Variants in PDE7A observed in about 807,000 individuals in gnomAD.
PDE7A encodes phosphodiesterase 7A.
PDE7A carries 39 observed loss-of-function variants against 64.3 expected under a neutral mutation model. The observed-to-expected ratio is 0.61, with a 90% CI of 0.47 to 0.79. PDE7A has a LOEUF of 0.79. Among genes scored for constraint, PDE7A ranks in the 30% least tolerant of loss-of-function variants. The probability of loss-of-function intolerance (pLI) is 0.00; values close to 1 mark genes in which losing one functional copy is unlikely to be tolerated. For synonymous variants in PDE7A, 203 were observed against 206.8 expected (o/e 0.98, Z 0.16); for missense variants, 470 against 582.8 (o/e 0.81, Z 1.99).
chr8:65,761,170 A>G (rs2128914370), intron 3 of PDE7A, among the ~76,000 whole-genome samples: 1 of 151,980 alleles, frequency 6.6e-6, no homozygotes, highest in South Asian at 2.1e-4. Flanking sequence ...GATTCAAGCA[A>G]TTCTCCTGCC....
intron 6 of PDE7A, 31 bp from the exon 7 acceptor site, chr8:65,734,925 T>G (rs1288342584): frequency 3.0e-6 from 4 of 1,346,480 alleles, no homozygotes; most frequent in Non-Finnish European, 4.3e-6. Context: ...CCGATTTTAT[T>G]GTATATGAGC....
At chr8:65,764,414 G>A (rs1019136329) in intron 3 of PDE7A, among the ~76,000 whole-genome samples, 1 of 152,238 alleles carries the variant, frequency 6.6e-6, no homozygotes, top group African/African-American at 2.4e-5. Flanking sequence ...ATGATGGATA[G>A]CTGCTTTCGC....
At chr8:65,749,746 T>C (rs1189441898) in intron 3 of PDE7A, among the ~76,000 whole-genome samples, 1 of 152,218 alleles carries the variant, frequency 6.6e-6, no homozygotes, top group Non-Finnish European at 1.5e-5. Flanking sequence ...ATACCCAATA[T>C]AGGGTGACAC....
intron 1 of PDE7A, among the ~76,000 whole-genome samples, chr8:65,828,924 T>C (rs1199372363): frequency 6.6e-6 from 1 of 152,146 alleles, no homozygotes; most frequent in African/African-American, 2.4e-5. Context: ...AGTAGTCTTA[T>C]ATTCGAGTAT....
chr8:65,721,355 T>C (rs1300541014), intron 12 of PDE7A, among the ~76,000 whole-genome samples: 1 of 152,176 alleles, frequency 6.6e-6, no homozygotes, highest in Non-Finnish European at 1.5e-5. Flanking sequence ...GCCCCTATGT[T>C]GGGGAGTAGT....
At chr8:65,772,773 G>A (rs1311270356) in intron 3 of PDE7A, among the ~76,000 whole-genome samples, 2 of 152,166 alleles carry the variant, frequency 1.3e-5, no homozygotes, top group Non-Finnish European at 2.9e-5. Flanking sequence ...GGAGGCCAAG[G>A]CAGGCAGATC....
intron 1 of PDE7A, among the ~76,000 whole-genome samples, chr8:65,792,670 A>G (rs79069632): frequency 0.057 from 8,699 of 152,304 alleles, 357 homozygotes; most frequent in Middle Eastern, 0.11. Context: ...AAATGTGAAC[A>G]CTATAGTAAA....
At chr8:65,725,155 T>C (rs1806561122) in intron 9 of PDE7A, among the ~76,000 whole-genome samples, 1 of 152,094 alleles carries the variant, frequency 6.6e-6, no homozygotes, top group African/African-American at 2.4e-5. Flanking sequence ...TATGCAAACA[T>C]TCCAAAAGGA....
chr8:65,745,281 T>C (rs774674474), intron 5 of PDE7A, 126 bp downstream of exon 5: 132 of 688,236 alleles, frequency 1.9e-4, no homozygotes, highest in Non-Finnish European at 3.2e-4. Context: ...AATGGACTAA[T>C]ACACTCTCTT....
At chr8:65,722,029 G>C (rs957387332) in intron 12 of PDE7A, 1 of 152,106 alleles carries the variant, frequency 6.6e-6, no homozygotes, top group Admixed American at 6.6e-5. Context: ...GACCTCAAGC[G>C]ATCAGCCCGC....
chr8:65,770,974 T>C (rs1809057818), intron 3 of PDE7A: 1 of 299,192 alleles, frequency 3.3e-6, no homozygotes, highest in African/African-American at 2.3e-5. Context: ...CAGAACCTGC[T>C]GGACAAGAAG....
chr8:65,777,553 C>A (rs1809295755), intron 3 of PDE7A, among the ~76,000 whole-genome samples: 1 of 152,006 alleles, frequency 6.6e-6, no homozygotes, highest in African/African-American at 2.4e-5. Context: ...AGCGATTTGG[C>A]TGTTATTTTT....
chr8:65,819,739 C>A (rs549831857), intron 1 of PDE7A, among the ~76,000 whole-genome samples: 2 of 152,200 alleles, frequency 1.3e-5, no homozygotes, highest in Non-Finnish European at 2.9e-5. Flanking sequence ...TTGTGGCACA[C>A]TACTAGTTGT....
chr8:65,796,624 T>C (rs563291139), intron 1 of PDE7A, among the ~76,000 whole-genome samples: 1 of 152,028 alleles, frequency 6.6e-6, no homozygotes, highest in South Asian at 2.1e-4. Flanking sequence ...GTAAGAAAAA[T>C]GCATTTGACA....
At chr8:65,756,882 T>C (rs571756967) in intron 3 of PDE7A, among the ~76,000 whole-genome samples, 1 of 152,272 alleles carries the variant, frequency 6.6e-6, no homozygotes, top group East Asian at 1.9e-4. Context: ...ATTATTTTAC[T>C]CCTCCAGGAT....
chr8:65,817,752 GTTT>G (rs145545830), intron 1 of PDE7A, among the ~76,000 whole-genome samples: 8 of 110,010 alleles, frequency 7.3e-5, no homozygotes, highest in Admixed American at 4.6e-4. Flanking sequence ...ATCAAGGAGT[GTTT>G]TTTTTTTTTT....
chr8:65,760,133 G>A (rs575816895), intron 3 of PDE7A, among the ~76,000 whole-genome samples: 7 of 152,088 alleles, frequency 4.6e-5, no homozygotes, highest in African/African-American at 1.7e-4. Flanking sequence ...CCAGCTACTT[G>A]AGAGGCTGAA....
Position 65,724,235 on chromosome 8 carries a change from C to A in PDE7A, c.1162+20G>T. Reference sequence around the variant, plus strand: ...AAAATGAACTGGATAGATTAATTATCACTCAATACTGTAACTTGCCTTGAT... The same window carrying A: ...AAAATGAACTGGATAGATTAATTATAACTCAATACTGTAACTTGCCTTGAT... On this transcript the variant is annotated intron_variant, in intron 11 of 12. Coordinates refer to ENST00000401827, the MANE Select transcript of PDE7A (RefSeq NM_001242318.3). 6.8e-7 allele frequency: 1 copy of A among 1,468,804 alleles called. No individual in the cohort carries two copies. The highest frequency in any genetic ancestry group is 1.1e-5 in the South Asian group (1 of 87,712). The allele number at this position is 1,468,804 out of a possible 1,614,324, so 91.0% of individuals were successfully genotyped here.
Position 65,796,234 on chromosome 8 carries a change from T to G in PDE7A, c.139-13391A>C, listed in dbSNP as rs147029176. Among the ~76,000 whole-genome samples, 912 of 152,114 alleles carry G rather than the reference T, an allele frequency of 6.0e-3. 12 individuals carry two copies. Among genetic ancestry groups the G allele is most frequent in the African/African-American group, 0.019 (806 of 41,546 alleles). ...GGAATGTAAAAGATAGCAAACATAC[T>G]TGAAGCAATAATGATGAAATATTTT... On this transcript the variant is annotated intron_variant, in intron 1 of 12. Coordinates refer to ENST00000401827, the MANE Select transcript of PDE7A (RefSeq NM_001242318.3).
Sources: allele counts gnomAD v4.1 joint callset (sites outside exome capture counted in the v4.1 genomes callset), GRCh38; gene constraint gnomAD v4.1.1; transcripts MANE v1.5; gene names NCBI Gene and HGNC (gene_info 2026-07-23, HGNC 2026-07-21).